The following PDE11A variants were observed in gnomAD, a reference collection of about 807,000 sequenced individuals.
PDE11A encodes phosphodiesterase 11A.
PDE11A carries 100 observed loss-of-function variants against 100.5 expected under a neutral mutation model. The ratio of observed to expected loss-of-function variants is 1.00; its 90% CI spans 0.85 to 1.18. The LOEUF is 1.18. Ranked by LOEUF, PDE11A falls within the 50% of genes most tolerant of loss-of-function variation. The probability of loss-of-function intolerance (pLI) is 0.00; values close to 1 mark genes in which losing one functional copy is unlikely to be tolerated. For synonymous variants in PDE11A, 381 were observed against 420.8 expected (o/e 0.91, Z 1.16); for missense variants, 1,141 against 1,152.6 (o/e 0.99, Z 0.15).
At position 177,886,967 on chromosome 2, in the gene PDE11A, G is replaced by A. The variant is rs1404198427; in HGVS notation, c.1303-11044C>T. Among the ~76,000 whole-genome samples, 3 of 152,322 alleles carry A rather than the reference G, an allele frequency of 2.0e-5. No individual in the cohort carries two copies. The East Asian group carries it at 5.8e-4, about 29-fold the overall frequency. On this transcript the variant is annotated intron_variant, in intron 4 of 19. Coordinates refer to ENST00000286063, the MANE Select transcript of PDE11A (RefSeq NM_016953.4). The stretch of plus-strand genomic sequence containing the variant: ...CTCCAAGTCCAGAAACAGGCTGGCA[G>A]TGATGGTCGGAATTTCAGCTCCTGC...
chr2:177,713,954 C>A (rs979788363), intron 12 of PDE11A, among the ~76,000 whole-genome samples: 14 of 143,242 alleles, frequency 9.8e-5, no homozygotes, highest in African/African-American at 3.3e-4. Flanking sequence ...CACCTAAATT[C>A]GTAGTTTTCC....
intron 10 of PDE11A, among the ~76,000 whole-genome samples, chr2:177,735,136 T>C (rs549747450): frequency 2.6e-5 from 4 of 152,302 alleles, no homozygotes; most frequent in South Asian, 2.1e-4. Flanking sequence ...AGAGCTGCGA[T>C]GGGGGAAACA....
chr2:177,811,928 T>C (rs1168787738), intron 9 of PDE11A, among the ~76,000 whole-genome samples: 1 of 152,310 alleles, frequency 6.6e-6, no homozygotes, highest in African/African-American at 2.4e-5. Context: ...CAGCTCTGAC[T>C]TTAAGCAGGT....
chr2:178,070,215 T>A (rs576519883), intron 1 of PDE11A, among the ~76,000 whole-genome samples: 149 of 152,310 alleles, frequency 9.8e-4, no homozygotes, highest in African/African-American at 3.4e-3. Context: ...AAAGATACAA[T>A]GAATAATGCA....
intron 19 of PDE11A, 74 bp from the exon 20 acceptor site, chr2:177,629,636 A>C: frequency 1.4e-6 from 2 of 1,464,046 alleles, no homozygotes; most frequent in Non-Finnish European, 1.9e-6. Context: ...TCCACCTTTC[A>C]CTTATGAGGA....
intron 10 of PDE11A, among the ~76,000 whole-genome samples, chr2:177,738,110 C>T (rs1206468556): frequency 1.3e-5 from 2 of 148,886 alleles, no homozygotes; most frequent in Admixed American, 1.4e-4. Flanking sequence ...GTCAAGTTGC[C>T]TTCTAAGTTT....
chr2:177,964,202 T>A (rs1003860219), intron 2 of PDE11A, among the ~76,000 whole-genome samples: 1 of 151,898 alleles, frequency 6.6e-6, no homozygotes. Context: ...GAGGCTGGAG[T>A]GCAGTGGCGC....
rs545986502 is a variant in PDE11A at position 178,025,847 on chromosome 2, C to A, written c.913-11387G>T. On this transcript the variant is annotated intron_variant, in intron 1 of 19. Transcript: ENST00000286063. Reference sequence around the variant, plus strand: ...CCAGAAGGCACCTTTTTTTCTGACACAGTGAGACCATCTAAGAACTGCAAT... The same window carrying A: ...CCAGAAGGCACCTTTTTTTCTGACAAAGTGAGACCATCTAAGAACTGCAAT... Among the ~76,000 whole-genome samples, 10 of 152,140 alleles carry A rather than the reference C, an allele frequency of 6.6e-5. No homozygotes were observed. In the South Asian group the frequency reaches 1.0e-3, roughly 16 times the overall value.
intron 2 of PDE11A, among the ~76,000 whole-genome samples, chr2:177,945,207 G>C (rs962928000): frequency 2.0e-5 from 3 of 151,592 alleles, no homozygotes; most frequent in African/African-American, 7.3e-5. Flanking sequence ...TGGCCTCCCA[G>C]AGTGCTGAGA....
intron 3 of PDE11A, among the ~76,000 whole-genome samples, chr2:177,903,401 T>C (rs947209215): frequency 6.6e-6 from 1 of 152,214 alleles, no homozygotes; most frequent in Non-Finnish European, 1.5e-5. Flanking sequence ...ACCTATACTA[T>C]GCAATTTAAA....
At chr2:177,923,589 C>T (rs2085085092) in intron 2 of PDE11A, among the ~76,000 whole-genome samples, 1 of 152,134 alleles carries the variant, frequency 6.6e-6, no homozygotes, top group South Asian at 2.1e-4. Context: ...TAGACTTAGC[C>T]AGAACTTAGC....
intron 4 of PDE11A, chr2:177,888,542 A>G (rs1284140753): frequency 6.0e-6 from 1 of 166,376 alleles, no homozygotes; most frequent in Non-Finnish European, 1.2e-5. Context: ...TTTTTATAAC[A>G]AAACCCTTAA....
At chr2:177,957,932 T>A (rs13415041) in intron 2 of PDE11A, among the ~76,000 whole-genome samples, 8,051 of 148,764 alleles carry the variant, frequency 0.054, 267 homozygotes, top group South Asian at 0.077. Context: ...ACGGAGTCTC[T>A]TGCTGTTGCC....
chr2:177,673,907 G>C (rs1282170602), intron 17 of PDE11A, among the ~76,000 whole-genome samples: 1 of 152,178 alleles, frequency 6.6e-6, no homozygotes, highest in Non-Finnish European at 1.5e-5. Context: ...CTGTCAGAAT[G>C]ATCTAGGTAG....
intron 2 of PDE11A, among the ~76,000 whole-genome samples, chr2:178,079,390 G>C (rs2087255584): frequency 6.6e-6 from 1 of 152,080 alleles, no homozygotes; most frequent in Admixed American, 6.6e-5. Flanking sequence ...GAACATGTGG[G>C]TTTGGTTTTC....
rs62182973 is a variant in PDE11A at position 177,701,047 on chromosome 2, A to T, written c.2244+74T>A. ...GCTTTGTGTCTACCTGTGGCACCAC[A>T]AAGGAAGAGAGGGAGGAAACAAAGA... is the stretch of plus-strand genomic sequence containing the variant. On this transcript the variant is annotated intron_variant, in intron 14 of 19. Coordinates refer to ENST00000286063, the MANE Select transcript of PDE11A (RefSeq NM_016953.4). The T allele has an allele frequency of 4.6e-6, 4 of 862,174 alleles. No homozygotes were observed. The Admixed American group carries it at 7.1e-5, about 15-fold the overall frequency. The allele number at this position is 862,174 out of a possible 1,614,324, so 53.4% of individuals were successfully genotyped here.
At chr2:177,955,066 C>T (rs1459728933) in intron 2 of PDE11A, among the ~76,000 whole-genome samples, 3 of 152,144 alleles carry the variant, frequency 2.0e-5, no homozygotes, top group Non-Finnish European at 4.4e-5. Context: ...AATTCCTGGT[C>T]TCTGTGATCA....
At chr2:177,680,369 G>A (rs185594737) in intron 16 of PDE11A, among the ~76,000 whole-genome samples, 5 of 152,252 alleles carry the variant, frequency 3.3e-5, no homozygotes, top group African/African-American at 2.4e-5. Context: ...GACGTCCCAG[G>A]CAAAGGCTAG....
chr2:177,885,370 T>A (rs2084414254), intron 4 of PDE11A, among the ~76,000 whole-genome samples: 1 of 152,212 alleles, frequency 6.6e-6, no homozygotes, highest in Admixed American at 6.6e-5. Context: ...TGACCTTTCA[T>A]ATCTGTGGGT....
Sources: gnomAD v4.1 joint callset for allele counts (sites outside exome capture counted in the v4.1 genomes callset) on GRCh38, gnomAD v4.1.1 for gene constraint, MANE v1.5 for transcripts, NCBI Gene and HGNC (gene_info 2026-07-23, HGNC 2026-07-21) for gene names.